The following ZNF91 variants were observed in gnomAD, a reference collection of about 807,000 sequenced individuals.
ZNF91 encodes zinc finger protein 91.
A neutral mutation model predicts 12.6 loss-of-function variants in ZNF91; 7 were observed. That is an observed-to-expected ratio of 0.55 (90% CI 0.31 to 1.04). ZNF91 has a LOEUF of 1.04. ZNF91 is among the 50% of genes least tolerant of loss of function. ZNF91 has a pLI of 0.05. For synonymous variants in ZNF91, 453 were observed against 462.6 expected, an observed-to-expected ratio of 0.98 and a Z score of 0.27; for missense variants, 1,217 against 1,385.4, an observed-to-expected ratio of 0.88 and a Z score of 1.93.
chr19:23,360,472 T>G lies in ZNF91; in HGVS notation c.2507A>C (p.Lys836Thr). The change falls in exon 4 of 4, where the codon AAG becomes ACG. Residue 836 changes from lysine (K) to threonine (T), a missense_variant. Coordinates refer to ENST00000300619, the MANE Select transcript of ZNF91 (RefSeq NM_003430.4). ...ATGTTTAGCAAGGGCTGAGGAGTGC[T>G]TAAAAGCTTTGCCACATTCTTTACA... Reference protein sequence around the residue: ...YKCKECGKAFKHSSALAKHKI... With the variant: ...YKCKECGKAFTHSSALAKHKI... 6.2e-7 allele frequency: 1 copy of G among 1,609,452 alleles called. No individual in the cohort carries two copies. Among genetic ancestry groups the G allele is most frequent in the Non-Finnish European group, 8.5e-7 (1 of 1,178,522 alleles).
At chr19:23,317,060 T>G (rs1967577414) in intron 1 of ZNF91, among the ~76,000 whole-genome samples, 1 of 152,024 alleles carries the variant, frequency 6.6e-6, no homozygotes, top group Non-Finnish European at 1.5e-5. Context: ...TCTTTTTTTT[T>G]TTTGAGGCGG....
intron 1 of ZNF91, among the ~76,000 whole-genome samples, chr19:23,320,929 T>C (rs1967678712): frequency 6.6e-6 from 1 of 152,212 alleles, no homozygotes. Context: ...CATGGATTTG[T>C]TGACCTTCAA....
chr19:23,316,280 G>C (rs1213335425), intron 1 of ZNF91, among the ~76,000 whole-genome samples: 1 of 151,978 alleles, frequency 6.6e-6, no homozygotes, highest in Non-Finnish European at 1.5e-5. Context: ...AGTGGATCTG[G>C]TGACATATCT....
chr19:23,375,521 T>C (rs1025683414), intron 1 of ZNF91, among the ~76,000 whole-genome samples: 26 of 152,302 alleles, frequency 1.7e-4, no homozygotes, highest in Non-Finnish European at 3.1e-4. Flanking sequence ...GATTATTTTT[T>C]CAGGAGATCT....
At chr19:23,349,602 T>C (rs1968313661) in intron 3 of ZNF91, among the ~76,000 whole-genome samples, 1 of 152,164 alleles carries the variant, frequency 6.6e-6, no homozygotes, top group Non-Finnish European at 1.5e-5. Context: ...CATAACTGTC[T>C]TGCAGGCACA....
rs540203311 is a variant in ZNF91, at chr19:23,307,402, C to T, written n.191G>A. The T allele has an allele frequency of 3.3e-5, 5 of 152,222 alleles. No homozygotes were observed. The South Asian group carries it at 1.0e-3, about 32-fold the overall frequency. The allele number at this position is 152,222 out of a possible 1,614,324, so 9.4% of individuals were successfully genotyped here. A position where few individuals can be genotyped will look rare whatever the true frequency, so the allele number is the denominator to read the frequency against. On this transcript the variant is annotated splice_region_variant and non_coding_transcript_exon_variant, in exon 3 of 4. Coordinates refer to the ZNF91 transcript ENST00000593292. Reference sequence around the variant, plus strand: ...ACCCTTCTCTCCTGCCTGGGCCATACCTAAAACAGAGAGAGTGACGTATTG... The same window carrying T: ...ACCCTTCTCTCCTGCCTGGGCCATATCTAAAACAGAGAGAGTGACGTATTG...
chr19:23,332,521 TACCATAGAGACACGATTCGTTC>T, intron 1 of ZNF91, among the ~76,000 whole-genome samples: 1 of 152,262 alleles, frequency 6.6e-6, no homozygotes, highest in South Asian at 2.1e-4. Flanking sequence ...CCGGACTACC[TACCATAGAGACACGATTCGTTC>T]ACCAAACAAA....
chr19:23,331,544 G>GT (rs1568370557), intron 1 of ZNF91, among the ~76,000 whole-genome samples: 1 of 152,180 alleles, frequency 6.6e-6, no homozygotes, highest in Non-Finnish European at 1.5e-5. Context: ...GAGTGTGTGT[G>GT]TATGTTTGGT....
intron 1 of ZNF91, among the ~76,000 whole-genome samples, chr19:23,389,411 A>AC (rs1171543936): frequency 2.0e-5 from 3 of 152,114 alleles, no homozygotes; most frequent in Non-Finnish European, 2.9e-5. Context: ...GCAAAAAAAA[A>AC]AAAAAAACAC....
Position 23,360,316 on chromosome 19 carries a change from T to C in ZNF91, c.2663A>G (p.Asp888Gly), listed in dbSNP as rs1968680560. Residue 888 changes from aspartate (D) to glycine (G), a missense_variant, in exon 4 of 4, where the codon GAC (aspartate) becomes GGC (glycine). Around this residue, in one of 2 missense-constraint regions of ZNF91, gnomAD observed 491 missense variants for 489.8 expected, o/e 1.00. Coordinates refer to ENST00000300619, the MANE Select transcript of ZNF91 (RefSeq NM_003430.4). ...KEKPSKSEEC[D>G]KAFIWSSTLT... Reference sequence around the variant, plus strand: ...GGTTGAGGACCAGATAAATGCTTTGTCACATTCTTCACTCTTGGAAGGTTT... The same window carrying C: ...GGTTGAGGACCAGATAAATGCTTTGCCACATTCTTCACTCTTGGAAGGTTT... The C allele has an allele frequency of 6.2e-7, 1 of 1,613,440 alleles. No homozygotes were observed. The highest frequency in any genetic ancestry group is 8.5e-7 in the Non-Finnish European group (1 of 1,179,788).
downstream of ZNF91, among the ~76,000 whole-genome samples, chr19:23,337,286 TTATATA>T (rs141495162): frequency 2.0e-5 from 3 of 151,846 alleles, no homozygotes; most frequent in Non-Finnish European, 2.9e-5. Flanking sequence ...AACATTTGTT[TTATATA>T]TATATGTATT....
chr19:23,382,498 G>T (rs1969753224), intron 1 of ZNF91, among the ~76,000 whole-genome samples: 1 of 152,114 alleles, frequency 6.6e-6, no homozygotes, highest in South Asian at 2.1e-4. Context: ...CAAAATATGA[G>T]AACCTAAACT....
At chr19:23,368,965 A>G (rs1425118150) in intron 3 of ZNF91, among the ~76,000 whole-genome samples, 1 of 152,074 alleles carries the variant, frequency 6.6e-6, no homozygotes, top group Non-Finnish European at 1.5e-5. Flanking sequence ...CACCCACTTA[A>G]ATGGTCACTA....
intron 3 of ZNF91, among the ~76,000 whole-genome samples, chr19:23,366,527 C>A (rs75053081): frequency 6.6e-6 from 1 of 152,072 alleles, no homozygotes; most frequent in South Asian, 2.1e-4. Context: ...TATTAAAAAA[C>A]CAAGTTTATT....
chr19:23,378,298 C>T (rs938525970), intron 1 of ZNF91, among the ~76,000 whole-genome samples: 12 of 152,124 alleles, frequency 7.9e-5, no homozygotes, highest in African/African-American at 2.2e-4. Flanking sequence ...GTTAGTTCTG[C>T]GAGGCAAAAC....
At chr19:23,331,883 G>C (rs1599694810) in intron 1 of ZNF91, among the ~76,000 whole-genome samples, 1 of 152,104 alleles carries the variant, frequency 6.6e-6, no homozygotes, top group Non-Finnish European at 1.5e-5. Flanking sequence ...TTTTGTAAGG[G>C]CTCATTTGCC....
At chr19:23,382,049 CAAA>C (rs60814223) in intron 1 of ZNF91, among the ~76,000 whole-genome samples, 6 of 79,368 alleles carry the variant, frequency 7.6e-5, no homozygotes, top group Non-Finnish European at 1.4e-4. Context: ...AATCCTGAGA[CAAA>C]AAAAAAAAAA....
downstream of ZNF91, among the ~76,000 whole-genome samples, chr19:23,355,820 G>A (rs191196514): frequency 3.3e-5 from 5 of 151,956 alleles, no homozygotes; most frequent in African/African-American, 7.2e-5. Context: ...AAAAACAATC[G>A]CATCAAAAAG....
intron 1 of ZNF91, among the ~76,000 whole-genome samples, chr19:23,387,612 C>A (rs1431427815): frequency 6.6e-6 from 1 of 152,076 alleles, no homozygotes; most frequent in Non-Finnish European, 1.5e-5. Context: ...TGGCACACAC[C>A]TGTGGCCCCA....
Sources: allele counts gnomAD v4.1 joint callset (sites outside exome capture counted in the v4.1 genomes callset), GRCh38; gene constraint gnomAD v4.1.1; regional missense constraint gnomAD v4.1.1; transcripts MANE v1.5; gene names NCBI Gene and HGNC (gene_info 2026-07-23, HGNC 2026-07-21).